Variants in C2 observed in about 807,000 individuals in gnomAD.
C2 encodes C3/C5 convertase.
Under a neutral mutation model 85.2 loss-of-function variants are expected in C2, and 64 were observed. That is an observed-to-expected ratio of 0.75 (90% CI 0.61 to 0.92). The LOEUF is 0.92. Among genes scored for constraint, C2 ranks in the 40% least tolerant of loss-of-function variants. The probability of loss-of-function intolerance (pLI) is 0.00; values close to 1 mark genes in which losing one functional copy is unlikely to be tolerated. For synonymous variants in C2, 311 were observed against 370.8 expected (o/e 0.84, Z 1.85); for missense variants, 820 against 971.6 (o/e 0.84, Z 2.07).
In C2 at chr6:31,943,459, A is replaced by G. The variant is rs1444060264; in HGVS notation, c.1499A>G (p.Gln500Arg). The change falls in exon 12 of 18, where the codon CAA (glutamine) becomes CGA (arginine). Residue 500 changes from glutamine to arginine, a missense_variant. Coordinates refer to ENST00000299367, the MANE Select transcript of C2 (RefSeq NM_000063.6). This position sits in a 1 kb window ranked among gnomAD's most constrained non-coding sequence, Gnocchi z 6.4. ...TGCCGGGGGGCCCTCATCTCCGACC[A>G]ATGGGTCCTGACAGCAGCTCATTGC... The part of the protein sequence containing the change: ...ETCRGALISD[Q>R]WVLTAAHCFR... 1 of 1,612,946 alleles carries G rather than the reference A, an allele frequency of 6.2e-7. No individual in the cohort carries two copies. The highest frequency in any genetic ancestry group is 8.5e-7 in the Non-Finnish European group (1 of 1,180,040).
upstream of C2, among the ~76,000 whole-genome samples, chr6:31,916,400 A>AT (rs1768504123): frequency 6.6e-6 from 1 of 151,980 alleles, no homozygotes; most frequent in Non-Finnish European, 1.5e-5. Flanking sequence ...CTCTACTAAA[A>AT]TTGCAAAAAT....
At chr6:31,902,687 C>T (rs1010489547) in intron 1 of C2, among the ~76,000 whole-genome samples, 25 of 152,326 alleles carry the variant, frequency 1.6e-4, no homozygotes, top group Non-Finnish European at 2.9e-4. Flanking sequence ...TTTCACTTTC[C>T]ACAAAGCCAG....
intron 1 of C2, among the ~76,000 whole-genome samples, chr6:31,910,794 A>G (rs1192311431): frequency 6.6e-6 from 1 of 150,420 alleles, no homozygotes; most frequent in Non-Finnish European, 1.5e-5. Flanking sequence ...AGCCTGGCCA[A>G]CATGATGAAA....
In C2 at chr6:31,933,594, C is replaced by T. The variant is rs9332718; in HGVS notation, c.443-16C>T. The T allele has an allele frequency of 6.9e-4, 1,120 of 1,612,802 alleles. 14 individuals carry two copies. The African/African-American group carries it at 0.013, about 19-fold the overall frequency. ...GAGGGGGCTACTCACCTCTGCCTTC[C>T]TTTGTTCACTCGCAGCTGGCCACTG... On this transcript the variant is annotated splice_polypyrimidine_tract_variant and intron_variant, in intron 3 of 17. Coordinates refer to ENST00000299367, the MANE Select transcript of C2 (RefSeq NM_000063.6).
chr6:31,939,510 CTTTTTTTTTT>C (rs896123643), intron 9 of C2, among the ~76,000 whole-genome samples, 190 bp downstream of exon 9: 3 of 126,432 alleles, frequency 2.4e-5, no homozygotes, highest in Non-Finnish European at 3.4e-5. Flanking sequence ...ACCTTACCTT[CTTTTTTTTTT>C]TTTTTTTTTT....
Position 31,921,412 on chromosome 6 carries a change from G to A in C2, c.-100+1386G>A, listed in dbSNP as rs1300642128. Among the ~76,000 whole-genome samples the A allele has an allele frequency of 2.6e-5, 4 of 152,120 alleles. No homozygotes were observed. Among genetic ancestry groups the A allele is most frequent in the African/African-American group, 9.7e-5 (4 of 41,426 alleles). On this transcript the variant is annotated intron_variant, in intron 1 of 3. Transcript: ENST00000413154. The surrounding 1 kb of genome is among the most constrained non-coding windows in gnomAD (Gnocchi z 4.6). ...GAAGATGAGGGATTTGAGAAGGATG[G>A]AAAAGAAGGTGTTATGGGAGAGGGG...
intron 1 of C2, among the ~76,000 whole-genome samples, chr6:31,910,183 T>G (rs1280295003): frequency 6.6e-6 from 1 of 151,606 alleles, no homozygotes; most frequent in African/African-American, 2.4e-5. Context: ...CTGGCTTGTT[T>G]TTTTTTTTAA....
Position 31,943,605 on chromosome 6 carries a change from G to A in C2, c.1568-39G>A. On this transcript the variant is annotated intron_variant, in intron 12 of 17. Transcript: ENST00000299367. This position sits in a 1 kb window ranked among gnomAD's most constrained non-coding sequence, Gnocchi z 6.4. Reference sequence around the variant, plus strand: ...CCTCACCCAGCCTCTGGCCCCTGCAGGAGCCCTGGTCTAGCCTAATCTAGT... The same window carrying A: ...CCTCACCCAGCCTCTGGCCCCTGCAAGAGCCCTGGTCTAGCCTAATCTAGT... 6.2e-7 allele frequency: 1 copy of A among 1,612,192 alleles called. No individual in the cohort carries two copies. Among genetic ancestry groups the A allele is most frequent in the Non-Finnish European group, 8.5e-7 (1 of 1,179,246 alleles).
chr6:31,932,127 C>T (rs1458498385), intron 3 of C2, among the ~76,000 whole-genome samples: 5 of 131,120 alleles, frequency 3.8e-5, no homozygotes, highest in African/African-American at 6.1e-5. Context: ...GCTGACCCCC[C>T]CACCTCCCTC....
upstream of C2, chr6:31,900,851 G>A (rs1232349599): frequency 6.2e-7 from 1 of 1,612,636 alleles, no homozygotes; most frequent in Non-Finnish European, 8.5e-7. The surrounding 1 kb of genome is among the most constrained non-coding windows in gnomAD (Gnocchi z 9.7). Context: ...AGGGAGGAGG[G>A]ACTTGGTGGC....
chr6:31,919,232 C>T (rs1322628983), upstream of C2, among the ~76,000 whole-genome samples: 1 of 151,268 alleles, frequency 6.6e-6, no homozygotes, highest in African/African-American at 2.4e-5. Context: ...GCAACCTCTG[C>T]CTCCCAGGTT....
At chr6:31,934,018 G>C in intron 5 of C2, 53 bp downstream of exon 5, 1 of 1,568,354 alleles carries the variant, frequency 6.4e-7, no homozygotes, top group South Asian at 1.1e-5. Flanking sequence ...ATCTGGGCCG[G>C]AGCAAGGGAG....
intron 1 of C2, among the ~76,000 whole-genome samples, chr6:31,911,127 C>T (rs1003883674): frequency 1.3e-4 from 20 of 151,966 alleles, no homozygotes; most frequent in Admixed American, 6.6e-4. Context: ...GGTGAAACCC[C>T]GTCTCTACTA....
chr6:31,919,493 G>A (rs1396789265), upstream of C2, among the ~76,000 whole-genome samples: 2 of 152,108 alleles, frequency 1.3e-5, no homozygotes, highest in Non-Finnish European at 2.9e-5. Context: ...GAGTAATAAA[G>A]GGGATTTGGT....
intron 1 of C2, among the ~76,000 whole-genome samples, chr6:31,914,363 T>TCATGA (rs1768339315): frequency 7.1e-6 from 1 of 140,394 alleles, no homozygotes; most frequent in Admixed American, 7.0e-5. Context: ...GAGGCCGAGG[T>TCATGA]GGGCGGATCA....
rs759501792 is a variant in C2, at chr6:31,921,313, T to C, written c.-100+1287T>C. 1.9e-4 allele frequency among the ~76,000 whole-genome samples: 29 copies of C among 152,148 alleles called. No individual in the cohort carries two copies. The highest frequency in any genetic ancestry group is 7.2e-4 in the Admixed American group (11 of 15,268). ...AAAAAAAAAACTCCTGGATCCTTCC[T>C]CTGGGGAGCTTGAGACAAGTGCACA... On this transcript the variant is annotated intron_variant, in intron 1 of 3. Transcript: ENST00000413154. This position sits in a 1 kb window ranked among gnomAD's most constrained non-coding sequence, Gnocchi z 4.6.
intron 2 of C2, among the ~76,000 whole-genome samples, 176 bp from the exon 3 acceptor site, chr6:31,928,556 C>A (rs17201424): frequency 1.2e-3 from 186 of 152,244 alleles, no homozygotes; most frequent in Non-Finnish European, 2.2e-3. Context: ...GTGAAATTGG[C>A]AATATTCAAT....
rs1769496930 is a variant in C2, at chr6:31,928,895, A to G, written c.420A>G (p.Glu140=). The G allele has an allele frequency of 6.2e-7, 1 of 1,613,678 alleles. No individual in the cohort carries two copies. The highest frequency in any genetic ancestry group is 1.1e-5 in the South Asian group (1 of 91,048). ...GCCCCAACGGCATGTGGGATGGAGA[A>G]ACAGCTGTGTGTGATAATGGGGGTG... is the stretch of plus-strand genomic sequence containing the variant. ...QCRPNGMWDG[E]TAVCDNGAGH... is the part of the protein sequence containing the mutation. The change falls in exon 3 of 18, where the codon GAA becomes GAG. Residue 140 remains glutamate, a synonymous_variant. Coordinates refer to ENST00000299367, the MANE Select transcript of C2 (RefSeq NM_000063.6).
chr6:31,940,568 T>C (rs936325088), intron 9 of C2, among the ~76,000 whole-genome samples: 1 of 152,120 alleles, frequency 6.6e-6, no homozygotes, highest in Non-Finnish European at 1.5e-5. Context: ...AGCCCCAACC[T>C]TTCATCTTCC....
Sources: gnomAD v4.1 joint callset for allele counts (sites outside exome capture counted in the v4.1 genomes callset) on GRCh38, gnomAD v4.1.1 for gene constraint, Gnocchi (gnomAD v3.1) non-coding constraint, MANE v1.5 for transcripts, NCBI Gene and HGNC (gene_info 2026-07-23, HGNC 2026-07-21) for gene names.